Variants in MN1 observed in about 807,000 individuals in gnomAD.
The protein encoded by MN1 is MN1 proto-oncogene, transcriptional regulator, also known as transcriptional activator MN1.
In MN1, 19 loss-of-function variants were observed where a neutral mutation model predicts 86.9. That is an observed-to-expected ratio of 0.22 (90% CI 0.15 to 0.32). The LOEUF is 0.32. Among genes scored for constraint, MN1 ranks in the 10% least tolerant of loss-of-function variants. The probability of loss-of-function intolerance (pLI) is 1.00; values close to 1 mark genes in which losing one functional copy is unlikely to be tolerated. For synonymous variants in MN1, 928 were observed against 849.6 expected (o/e 1.09, Z -1.60); for missense variants, 1,841 against 1,862.0 (o/e 0.99, Z 0.21).
intron 1 of MN1, among the ~76,000 whole-genome samples, chr22:27,775,545 G>A (rs1932966870): frequency 1.3e-5 from 2 of 152,166 alleles, no homozygotes; most frequent in Admixed American, 1.3e-4. Context: ...CCTGCCCTGT[G>A]TGACCACATG....
intron 1 of MN1, among the ~76,000 whole-genome samples, chr22:27,780,828 C>G (rs954005582): frequency 3.9e-5 from 6 of 152,258 alleles, no homozygotes; most frequent in African/African-American, 1.4e-4. Context: ...CATCCCACCA[C>G]TTAGAACAGC....
At chr22:27,772,252 C>G (rs1932923923) in intron 1 of MN1, among the ~76,000 whole-genome samples, 1 of 152,224 alleles carries the variant, frequency 6.6e-6, no homozygotes, top group Non-Finnish European at 1.5e-5. Context: ...CCTTTTTCAC[C>G]CCACTGCCTC....
At chr22:27,762,821 G>A (rs1011641322) in intron 1 of MN1, among the ~76,000 whole-genome samples, 8 of 152,154 alleles carry the variant, frequency 5.3e-5, no homozygotes, top group Middle Eastern at 6.8e-3. Context: ...AATAGAGGCC[G>A]AGTGCGGTGG....
At chr22:27,792,891 C>T (rs1023615317) in intron 1 of MN1, among the ~76,000 whole-genome samples, 5 of 151,968 alleles carry the variant, frequency 3.3e-5, no homozygotes, top group African/African-American at 1.2e-4. Context: ...ACCTACCTGC[C>T]CCCCCGCCCC....
At chr22:27,774,380 G>T (rs1320568925) in intron 1 of MN1, among the ~76,000 whole-genome samples, 1 of 152,154 alleles carries the variant, frequency 6.6e-6, no homozygotes, top group Non-Finnish European at 1.5e-5. Flanking sequence ...GAAGAAGCTG[G>T]CATTTCCTCC....
At chr22:27,772,521 C>T (rs755845653) in intron 1 of MN1, among the ~76,000 whole-genome samples, 11 of 152,104 alleles carry the variant, frequency 7.2e-5, no homozygotes, top group South Asian at 2.1e-4. Flanking sequence ...TAAGTAGTGC[C>T]GACTGTATGC....
intron 1 of MN1, among the ~76,000 whole-genome samples, chr22:27,755,511 C>T (rs1932796451): frequency 6.6e-6 from 1 of 152,200 alleles, no homozygotes; most frequent in Admixed American, 6.5e-5. Context: ...AACCACCTCA[C>T]ACTCCATGCC....
At chr22:27,763,866 T>G (rs1932850532) in intron 1 of MN1, among the ~76,000 whole-genome samples, 1 of 152,166 alleles carries the variant, frequency 6.6e-6, no homozygotes, top group Non-Finnish European at 1.5e-5. Flanking sequence ...GCCCATGTTG[T>G]GAGATCTGAG....
At chr22:27,774,776 T>C (rs1021321578) in intron 1 of MN1, among the ~76,000 whole-genome samples, 2 of 152,086 alleles carry the variant, frequency 1.3e-5, no homozygotes, top group Admixed American at 1.3e-4. Context: ...GGCTTAGACA[T>C]AGCAACAGTC....
intron 1 of MN1, among the ~76,000 whole-genome samples, chr22:27,780,094 G>C (rs1202332664): frequency 6.6e-6 from 1 of 152,176 alleles, no homozygotes; most frequent in Non-Finnish European, 1.5e-5. Context: ...CCAGAACATA[G>C]GGAAGGGAAA....
chr22:27,793,704 G>A (rs908811816), intron 1 of MN1, among the ~76,000 whole-genome samples: 4 of 151,956 alleles, frequency 2.6e-5, no homozygotes, highest in Admixed American at 2.0e-4. Context: ...TAGACTTTGC[G>A]AGAACGACAA....
At chr22:27,794,939 G>GA (rs903590710) in intron 1 of MN1, among the ~76,000 whole-genome samples, 3 of 151,462 alleles carry the variant, frequency 2.0e-5, no homozygotes, top group Admixed American at 2.0e-4. Flanking sequence ...AGGCCAGGTA[G>GA]AAGTGACAGG....
intron 1 of MN1, among the ~76,000 whole-genome samples, chr22:27,753,298 C>T (rs1272565518): frequency 1.3e-5 from 2 of 152,234 alleles, no homozygotes; most frequent in Non-Finnish European, 2.9e-5. Flanking sequence ...AACAGTGTCT[C>T]TTTGTGACCA....
intron 1 of MN1, among the ~76,000 whole-genome samples, chr22:27,756,874 T>C (rs898948773): frequency 4.0e-5 from 6 of 151,750 alleles, no homozygotes; most frequent in African/African-American, 1.5e-4. Flanking sequence ...TCCCACCTCA[T>C]CCTCCCAAGT....
At chr22:27,752,832 C>T (rs920995951) in intron 1 of MN1, among the ~76,000 whole-genome samples, 2 of 152,210 alleles carry the variant, frequency 1.3e-5, no homozygotes, top group Non-Finnish European at 2.9e-5. Flanking sequence ...TCTGCTCCAG[C>T]TGAGGGAGCA....
At chr22:27,780,707 C>T (rs753465410) in intron 1 of MN1, among the ~76,000 whole-genome samples, 16 of 152,160 alleles carry the variant, frequency 1.1e-4, no homozygotes, top group African/African-American at 3.6e-4. Context: ...GGAACTCTCA[C>T]GCACATCCCC....
chr22:27,796,485 C>A (rs1933297323), intron 1 of MN1, among the ~76,000 whole-genome samples: 1 of 150,038 alleles, frequency 6.7e-6, no homozygotes, highest in Admixed American at 6.7e-5. Context: ...GCGGGGTACT[C>A]TACAAGATTC....
intron 1 of MN1, among the ~76,000 whole-genome samples, chr22:27,751,455 T>C (rs1359540075): frequency 6.6e-6 from 1 of 152,080 alleles, no homozygotes; most frequent in Non-Finnish European, 1.5e-5. Context: ...AGGAGGGGCA[T>C]CTAAACTGGG....
intron 1 of MN1, among the ~76,000 whole-genome samples, chr22:27,781,009 C>T (rs1933047090): frequency 1.3e-5 from 2 of 152,104 alleles, no homozygotes; most frequent in Admixed American, 1.3e-4. Flanking sequence ...CAACTGACTG[C>T]AGCCTCAACC....
Sources: gnomAD v4.1 joint callset for allele counts (sites outside exome capture counted in the v4.1 genomes callset) on GRCh38, gnomAD v4.1.1 for gene constraint, MANE v1.5 for transcripts, NCBI Gene and HGNC (gene_info 2026-07-23, HGNC 2026-07-21) for gene names.